Variants in ADAM18 observed in about 807,000 individuals in gnomAD.
The protein encoded by ADAM18 is disintegrin and metalloproteinase domain-containing protein 18.
ADAM18 carries 117 observed loss-of-function variants against 94.4 expected under a neutral mutation model. The ratio of observed to expected loss-of-function variants is 1.24; its 90% CI spans 1.07 to 1.45. ADAM18 has a LOEUF of 1.45. Among genes scored for constraint, ADAM18 ranks in the 40% most tolerant of loss-of-function variants. The pLI is 0.00. For synonymous variants in ADAM18, 327 were observed against 291.6 expected (o/e 1.12, Z -1.24); for missense variants, 936 against 880.0 (o/e 1.06, Z -0.81).
intron 16 of ADAM18, among the ~76,000 whole-genome samples, chr8:39,686,558 A>G (rs981010647): frequency 1.3e-5 from 2 of 152,212 alleles, no homozygotes; most frequent in Non-Finnish European, 2.9e-5. Flanking sequence ...ACTGGAGATT[A>G]GGTTTCAACA....
rs1427102051 is a variant in ADAM18 at position 39,680,101 on chromosome 8, C to T, written c.1696C>T (p.Gln566Ter). 10 of 1,613,702 alleles carry T rather than the reference C, an allele frequency of 6.2e-6. No homozygotes were observed. In the African/African-American group the frequency reaches 8.0e-5, roughly 13 times the overall value. ...TAAAAATGCTAATAAAAGTGACGCTCAATCTACAGTTTATTCATATATTCA... is the reference window on the plus strand; with the variant it reads ...TAAAAATGCTAATAAAAGTGACGCTTAATCTACAGTTTATTCATATATTCA... ...PHKNANKSDA[Q>*]STVYSYIQDH... is the part of the protein sequence containing the mutation. The change falls in exon 16 of 20, where the codon CAA becomes TAA. Residue 566 changes from glutamine (Q) to a stop codon, truncating the protein, a stop_gained. Coordinates refer to ENST00000265707, the MANE Select transcript of ADAM18 (RefSeq NM_014237.3). LOFTEE classifies it high-confidence loss of function.
At chr8:39,609,369 ATAAT>A in intron 4 of ADAM18, 112 bp from the exon 5 acceptor site, 1 of 731,618 alleles carries the variant, frequency 1.4e-6, no homozygotes, top group Non-Finnish European at 2.2e-6. Flanking sequence ...ATATGCATTA[ATAAT>A]TAATGATCTT....
At chr8:39,586,806 C>CTATCTATCTA (rs1563263642) in intron 2 of ADAM18, among the ~76,000 whole-genome samples, 67 of 114,756 alleles carry the variant, frequency 5.8e-4, no homozygotes, top group Middle Eastern at 8.5e-3. Context: ...CTATCTATAT[C>CTATCTATCTA]TATCTATCTA....
In ADAM18 at chr8:39,607,632, C is replaced by T. The variant is rs564354959; in HGVS notation, c.188+1270C>T. 2.9e-4 allele frequency among the ~76,000 whole-genome samples: 44 copies of T among 152,064 alleles called. 1 individual carries two copies. Among genetic ancestry groups the T allele is most frequent in the Non-Finnish European group, 5.9e-4 (40 of 68,000 alleles). On this transcript the variant is annotated intron_variant, in intron 3 of 19. Coordinates refer to ENST00000265707, the MANE Select transcript of ADAM18 (RefSeq NM_014237.3). ...TGACCAGTGTCTCCCCCGTAAAATACTTTCTTCATTTGGCTTCCAGAATAC... is the reference window on the plus strand; with the variant it reads ...TGACCAGTGTCTCCCCCGTAAAATATTTTCTTCATTTGGCTTCCAGAATAC...
intron 16 of ADAM18, among the ~76,000 whole-genome samples, chr8:39,691,471 G>A (rs912219076): frequency 1.5e-4 from 23 of 152,062 alleles, no homozygotes; most frequent in African/African-American, 5.6e-4. Flanking sequence ...CCACTACTGG[G>A]TGTTTATTCA....
chr8:39,694,875 C>G (rs1220487176), intron 17 of ADAM18, among the ~76,000 whole-genome samples: 1 of 151,414 alleles, frequency 6.6e-6, no homozygotes, highest in Non-Finnish European at 1.5e-5. Flanking sequence ...ATATATGTGT[C>G]TTAAAAATAT....
intron 13 of ADAM18, among the ~76,000 whole-genome samples, chr8:39,664,923 A>T (rs1481744021): frequency 6.6e-6 from 1 of 151,686 alleles, no homozygotes; most frequent in Non-Finnish European, 1.5e-5. Flanking sequence ...TATTCTATGT[A>T]TTTTTTTTGT....
intron 11 of ADAM18, among the ~76,000 whole-genome samples, chr8:39,647,887 A>T (rs1016911499): frequency 1.3e-5 from 2 of 152,212 alleles, no homozygotes; most frequent in Admixed American, 1.3e-4. Flanking sequence ...AATTAACAAC[A>T]TCTCAGCAAA....
At chr8:39,699,736 GT>G (rs1822012969) in intron 17 of ADAM18, among the ~76,000 whole-genome samples, 1 of 152,098 alleles carries the variant, frequency 6.6e-6, no homozygotes, top group African/African-American at 2.4e-5. Context: ...AGGTGATGAG[GT>G]TGTAGAGTAA....
chr8:39,708,985 C>T (rs1203670722), intron 18 of ADAM18, among the ~76,000 whole-genome samples: 4 of 152,218 alleles, frequency 2.6e-5, no homozygotes, highest in Non-Finnish European at 5.9e-5. Context: ...CTGCTAACAA[C>T]TGTGAACAGC....
intron 6 of ADAM18, among the ~76,000 whole-genome samples, chr8:39,615,745 A>G (rs1819420916): frequency 1.3e-5 from 2 of 152,206 alleles, no homozygotes; most frequent in Admixed American, 1.3e-4. Flanking sequence ...AGGCATTCAA[A>G]TAGGAAGAGA....
At position 39,637,635 on chromosome 8, in the gene ADAM18, A is replaced by G; in HGVS notation, c.759A>G (p.Leu253=). 2 of 1,612,882 alleles carry G rather than the reference A, an allele frequency of 1.2e-6. No homozygotes were observed. Among genetic ancestry groups the G allele is most frequent in the East Asian group, 2.2e-5 (1 of 44,780 alleles). The change falls in exon 9 of 20, where the codon TTA becomes TTG. Residue 253 remains leucine (L), a synonymous_variant. Transcript: ENST00000265707. ...CCAGTGGGGATGCTGATGATATATT[A>G]CAAAGATTTTTGGCATGGAAACGGG... ...ISTSGDADDI[L]QRFLAWKRDY...
intron 14 of ADAM18, among the ~76,000 whole-genome samples, chr8:39,671,058 A>G (rs1821141269): frequency 2.0e-5 from 3 of 152,208 alleles, no homozygotes; most frequent in Non-Finnish European, 4.4e-5. Context: ...CCATTTCCAA[A>G]TATTCTGATC....
At chr8:39,610,434 G>T (rs1370938380) in intron 5 of ADAM18, 95 bp from the exon 6 acceptor site, 10 of 1,375,910 alleles carry the variant, frequency 7.3e-6, no homozygotes, top group Non-Finnish European at 9.6e-6. Flanking sequence ...CTTTAGTATA[G>T]TTTTTTAATT....
At chr8:39,587,511 C>G (rs143528460) in intron 2 of ADAM18, among the ~76,000 whole-genome samples, 41 of 152,312 alleles carry the variant, frequency 2.7e-4, no homozygotes, top group Non-Finnish European at 3.5e-4. Context: ...GTGGTGTGAT[C>G]TTGGCTCACT....
At chr8:39,593,082 C>T (rs1328093400) in intron 2 of ADAM18, among the ~76,000 whole-genome samples, 1 of 152,156 alleles carries the variant, frequency 6.6e-6, no homozygotes, top group Admixed American at 6.5e-5. Context: ...ATGAACCAAC[C>T]TCTGTTAGCT....
intron 17 of ADAM18, among the ~76,000 whole-genome samples, chr8:39,701,504 G>T (rs1038638283): frequency 6.6e-6 from 1 of 151,912 alleles, no homozygotes; most frequent in Non-Finnish European, 1.5e-5. Flanking sequence ...TAAGTTCAAG[G>T]GTACGTGTGA....
At chr8:39,624,124 T>C (rs1417575062) in intron 6 of ADAM18, among the ~76,000 whole-genome samples, 2 of 152,208 alleles carry the variant, frequency 1.3e-5, no homozygotes, top group Non-Finnish European at 2.9e-5. Context: ...TTCTGATGAT[T>C]ACTTCTTTTT....
At chr8:39,661,319 A>ATTTTTTTTT (rs71518171) in intron 12 of ADAM18, among the ~76,000 whole-genome samples, 7 of 112,822 alleles carry the variant, frequency 6.2e-5, no homozygotes, top group African/African-American at 2.5e-4. Context: ...CACCCGGCAA[A>ATTTTTTTTT]TTTTTTTTTT....
Sources: allele counts gnomAD v4.1 joint callset (sites outside exome capture counted in the v4.1 genomes callset), GRCh38; gene constraint gnomAD v4.1.1; transcripts MANE v1.5; gene names NCBI Gene and HGNC (gene_info 2026-07-23, HGNC 2026-07-21).